Variants in DNAAF1 observed in about 807,000 individuals in gnomAD.
The protein encoded by DNAAF1 is dynein assembly factor 1, axonemal.
Under a neutral mutation model 71.1 loss-of-function variants are expected in DNAAF1, and 65 were observed. That is an observed-to-expected ratio of 0.91 (90% confidence interval 0.75 to 1.12). The LOEUF (loss-of-function observed/expected upper bound fraction) is 1.12. Among genes scored for constraint, DNAAF1 ranks in the 50% most tolerant of loss-of-function variants. The probability of loss-of-function intolerance (pLI) is 0.00; values close to 1 mark genes in which losing one functional copy is unlikely to be tolerated. For missense variants in DNAAF1, 1,178 were observed against 899.8 expected (o/e 1.31, Z -3.96); for synonymous variants, 414 against 354.6 (o/e 1.17, Z -1.88).
intron 7 of DNAAF1, among the ~76,000 whole-genome samples, chr16:84,169,522 C>T (rs541408856): frequency 8.5e-4 from 129 of 152,166 alleles, no homozygotes; most frequent in Non-Finnish European, 1.6e-3. Context: ...CAGGTTCAAG[C>T]GATTCTCCTG....
intron 5 of DNAAF1, among the ~76,000 whole-genome samples, chr16:84,157,032 T>C (rs1009749353): frequency 3.3e-5 from 5 of 151,908 alleles, no homozygotes; most frequent in Non-Finnish European, 7.4e-5. Flanking sequence ...TTTATATTTT[T>C]TGTAGAGATG....
intron 10 of DNAAF1, chr16:84,175,443 C>T (rs12933059): frequency 0.29 from 54,199 of 186,034 alleles, 9,189 homozygotes; most frequent in Admixed American, 0.39. Context: ...GACCCTACTC[C>T]ACCCAGAGGC....
At chr16:84,156,941 C>G (rs1438892637) in intron 5 of DNAAF1, among the ~76,000 whole-genome samples, 1 of 149,696 alleles carries the variant, frequency 6.7e-6, no homozygotes, top group Middle Eastern at 3.2e-3. Flanking sequence ...CAGCCTCAAC[C>G]TCCTGGGCTC....
chr16:84,156,088 G>A (rs976957448), intron 5 of DNAAF1, among the ~76,000 whole-genome samples: 3 of 152,024 alleles, frequency 2.0e-5, no homozygotes, highest in Admixed American at 1.3e-4. Flanking sequence ...TCAGCATCCC[G>A]AGTAGCTGGG....
At chr16:84,164,932 G>A (rs531545190) in intron 6 of DNAAF1, among the ~76,000 whole-genome samples, 11 of 152,222 alleles carry the variant, frequency 7.2e-5, no homozygotes, top group African/African-American at 2.4e-4. Flanking sequence ...GCGCAGCGTT[G>A]CCGTGTTTTG....
intron 7 of DNAAF1, 158 bp downstream of exon 7, chr16:84,166,107 G>A: frequency 2.0e-6 from 2 of 1,024,144 alleles, no homozygotes; most frequent in South Asian, 1.4e-5. Flanking sequence ...AAGTTGGAGT[G>A]CAGCAGTGTG....
intron 1 of DNAAF1, among the ~76,000 whole-genome samples, chr16:84,148,596 C>CTTTTTTTTTTTTTTTTTTTTTTTTTGT (rs765676142): frequency 2.3e-5 from 1 of 43,576 alleles, no homozygotes; most frequent in Non-Finnish European, 4.1e-5. Context: ...CTCTCTCTCT[C>CTTTTTTTTTTTTTTTTTTTTTTTTTGT]TTTTTTTTTT....
At chr16:84,170,668 C>G (rs570888574) in intron 8 of DNAAF1, among the ~76,000 whole-genome samples, 1 of 152,116 alleles carries the variant, frequency 6.6e-6, no homozygotes, top group South Asian at 2.1e-4. Flanking sequence ...CTCATCCCTA[C>G]CAAAACTACA....
intron 8 of DNAAF1, among the ~76,000 whole-genome samples, chr16:84,170,890 T>C (rs1046012679): frequency 1.3e-5 from 2 of 152,136 alleles, no homozygotes; most frequent in Non-Finnish European, 2.9e-5. Flanking sequence ...ACAGTAAAAC[T>C]ATTAATGACA....
intron 3 of DNAAF1, among the ~76,000 whole-genome samples, chr16:84,152,263 GA>G (rs1280883194): frequency 2.6e-5 from 4 of 152,194 alleles, no homozygotes; most frequent in African/African-American, 4.8e-5. Context: ...AGAAAAACCA[GA>G]ATGTCAGAAA....
chr16:84,167,714 G>GC (rs2088099361), intron 7 of DNAAF1, among the ~76,000 whole-genome samples: 1 of 152,142 alleles, frequency 6.6e-6, no homozygotes, highest in African/African-American at 2.4e-5. Flanking sequence ...AAAATTAGTG[G>GC]CTTAAAAGAA....
At chr16:84,156,375 G>A (rs2087427674) in intron 5 of DNAAF1, among the ~76,000 whole-genome samples, 1 of 152,190 alleles carries the variant, frequency 6.6e-6, no homozygotes, top group African/African-American at 2.4e-5. Context: ...GCTGGCCCTG[G>A]TATTTCCTGT....
At chr16:84,158,279 T>C (rs2087538282) in intron 5 of DNAAF1, among the ~76,000 whole-genome samples, 1 of 152,104 alleles carries the variant, frequency 6.6e-6, no homozygotes, top group South Asian at 2.1e-4. Flanking sequence ...AAGAGCAAGG[T>C]GTGGGCAGGG....
intron 3 of DNAAF1, among the ~76,000 whole-genome samples, chr16:84,154,082 A>C (rs2087303975): frequency 6.6e-6 from 1 of 152,182 alleles, no homozygotes; most frequent in Admixed American, 6.5e-5. Context: ...TGGTTCCTCC[A>C]AGAAAAGTTG....
chr16:84,173,776 G>C (rs2088505954), intron 9 of DNAAF1: 1 of 154,378 alleles, frequency 6.5e-6, no homozygotes, highest in Non-Finnish European at 1.4e-5. Context: ...AGAACTGCTT[G>C]AACCTGGGAG....
At chr16:84,160,720 G>A (rs899942927) in intron 6 of DNAAF1, among the ~76,000 whole-genome samples, 1 of 151,614 alleles carries the variant, frequency 6.6e-6, no homozygotes, top group African/African-American at 2.4e-5. Context: ...GGATCACGAG[G>A]TCAGGAGATC....
At position 84,160,885 on chromosome 16, in the gene DNAAF1, T is replaced by C. The variant is rs541183505; in HGVS notation, c.863+1089T>C. Reference sequence around the variant, plus strand: ...CCGGGAGGCAGAGCTTGCAGTGAGCTGAGATCGCGCCACTGCACTCCAGCC... The same window carrying C: ...CCGGGAGGCAGAGCTTGCAGTGAGCCGAGATCGCGCCACTGCACTCCAGCC... On this transcript the variant is annotated intron_variant, in intron 6 of 11. Transcript: ENST00000378553. Among the ~76,000 whole-genome samples the C allele has an allele frequency of 3.4e-5, 5 of 147,030 alleles. No individual in the cohort carries two copies. In the East Asian group the frequency reaches 1.0e-3, roughly 29 times the overall value.
chr16:84,164,040 A>C (rs1040433687), intron 6 of DNAAF1, among the ~76,000 whole-genome samples: 1 of 152,048 alleles, frequency 6.6e-6, no homozygotes, highest in East Asian at 1.9e-4. Context: ...CCTGGGCTCA[A>C]GCCATCTGCC....
At chr16:84,161,652 C>G (rs1051299510) in intron 6 of DNAAF1, among the ~76,000 whole-genome samples, 1 of 151,978 alleles carries the variant, frequency 6.6e-6, no homozygotes, top group Admixed American at 6.6e-5. Flanking sequence ...GAAAGCCTCA[C>G]AGGCATGAGC....
Sources: allele counts gnomAD v4.1 joint callset (sites outside exome capture counted in the v4.1 genomes callset), GRCh38; gene constraint gnomAD v4.1.1; transcripts MANE v1.5; gene names NCBI Gene and HGNC (gene_info 2026-07-23, HGNC 2026-07-21).